Variants in LHFPL1 observed in about 807,000 individuals in gnomAD.
The protein encoded by LHFPL1 is LHFPL tetraspan subfamily member 1 protein.
LHFPL1 carries 4 observed loss-of-function variants against 12.1 expected under a neutral mutation model. The observed-to-expected ratio is 0.33, with a 90% CI of 0.16 to 0.76. The LOEUF is 0.76. Among genes scored for constraint, LHFPL1 ranks in the 30% least tolerant of loss-of-function variants. The pLI, the probability that LHFPL1 is intolerant of heterozygous loss-of-function variation, is 0.61. For missense variants in LHFPL1, 141 were observed against 174.1 expected (o/e 0.81, Z 1.07); for synonymous variants, 52 against 61.9 (o/e 0.84, Z 0.75).
chrX:112,656,699 C>A (rs1448295259), intron 3 of LHFPL1, among the ~76,000 whole-genome samples: 2 of 112,520 alleles, frequency 1.8e-5, no homozygotes, highest in African/African-American at 6.4e-5. Flanking sequence ...ATGCAAAAAT[C>A]ATTTGTACAT....
At chrX:112,634,529 T>C (rs1415105286) in intron 3 of LHFPL1, among the ~76,000 whole-genome samples, 3 of 111,714 alleles carry the variant, frequency 2.7e-5, no homozygotes, top group Non-Finnish European at 5.6e-5. Context: ...CATCCCCTCA[T>C]TTGAGTAGCA....
At chrX:112,670,463 G>A (rs1198988308) in intron 2 of LHFPL1, among the ~76,000 whole-genome samples, 8 of 112,571 alleles carry the variant, frequency 7.1e-5, no homozygotes, top group Admixed American at 5.6e-4. Flanking sequence ...ACTGCTAATA[G>A]CTGCCAGACA....
At chrX:112,654,108 C>A (rs762614478) in intron 3 of LHFPL1, among the ~76,000 whole-genome samples, 1 of 111,430 alleles carries the variant, frequency 9.0e-6, no homozygotes, top group Non-Finnish European at 1.9e-5. Context: ...AACCATTAAC[C>A]CAATCATTCC....
chrX:112,634,899 C>T (rs1930294672), intron 3 of LHFPL1, among the ~76,000 whole-genome samples: 1 of 111,703 alleles, frequency 9.0e-6, no homozygotes, highest in African/African-American at 3.3e-5. Flanking sequence ...CCATCCACAT[C>T]CCTCCCCACA....
chrX:112,673,540 G>A lies in LHFPL1; in HGVS notation c.-14-2136C>T, dbSNP rs1158434341. On this transcript the variant is annotated intron_variant, in intron 1 of 3. Coordinates refer to ENST00000371968, the MANE Select transcript of LHFPL1 (RefSeq NM_178175.4). ...TCCTGATGAAGCAGCCCAGGCCAGAGGAGGAGAGGAAACAAGCTGACAAAC... is the reference window on the plus strand; with the variant it reads ...TCCTGATGAAGCAGCCCAGGCCAGAAGAGGAGAGGAAACAAGCTGACAAAC... 2.7e-5 allele frequency among the ~76,000 whole-genome samples: 3 copies of A among 111,859 alleles called. No homozygotes were observed. The East Asian group carries it at 8.4e-4, about 31-fold the overall frequency.
At chrX:112,638,326 G>A (rs1792916522) in intron 3 of LHFPL1, among the ~76,000 whole-genome samples, 1 of 111,403 alleles carries the variant, frequency 9.0e-6, no homozygotes, top group Admixed American at 9.6e-5. Context: ...CAGTGTAGAG[G>A]AGCAGGACAG....
intron 3 of LHFPL1, among the ~76,000 whole-genome samples, chrX:112,644,227 C>T (rs746948066): frequency 8.9e-6 from 1 of 111,975 alleles, no homozygotes; most frequent in South Asian, 3.8e-4. Flanking sequence ...AATCTCTGGC[C>T]CCTCCTTCCA....
intron 2 of LHFPL1, among the ~76,000 whole-genome samples, chrX:112,668,099 C>A (rs1482077760): frequency 2.7e-5 from 3 of 111,641 alleles, no homozygotes; most frequent in African/African-American, 9.8e-5. Flanking sequence ...AGCAGCCAGA[C>A]CTGAAGCAAC....
intron 2 of LHFPL1, among the ~76,000 whole-genome samples, chrX:112,669,384 A>G (rs1393001688): frequency 8.9e-6 from 1 of 112,851 alleles, no homozygotes; most frequent in Admixed American, 9.3e-5. Context: ...GATCAGCCTT[A>G]GCAACTGGTT....
Position 112,671,351 on chromosome X carries a change from AG to A in LHFPL1, c.39del (p.Phe14SerfsTer8), listed in dbSNP as rs1447927077. On this transcript the variant is annotated frameshift_variant, in exon 2 of 4. Transcript: ENST00000371968. LOFTEE classifies it high-confidence loss of function. The stretch of plus-strand genomic sequence containing the variant: ...GTCACAGCAGTAACAAGGGACAGGA[AG>A]GCCCAGAGGGTTCCCACCATGGTCA... ...SSLTMVGTLW[A>X]FLSLVTAVTS... 8.3e-7 allele frequency: 1 copy of A among 1,211,915 alleles called. No homozygotes were observed. The highest frequency in any genetic ancestry group is 3.0e-5 in the East Asian group (1 of 33,852).
chrX:112,637,455 T>A (rs1291609215), intron 3 of LHFPL1, among the ~76,000 whole-genome samples: 1 of 111,581 alleles, frequency 9.0e-6, no homozygotes, highest in African/African-American at 3.3e-5. Flanking sequence ...TGTGGTGGGA[T>A]CTAGCATTGC....
intron 3 of LHFPL1, among the ~76,000 whole-genome samples, chrX:112,650,679 C>T (rs1260186257): frequency 9.0e-6 from 1 of 111,650 alleles, no homozygotes; most frequent in Non-Finnish European, 1.9e-5. Context: ...AAGCAACTAA[C>T]AGCACAGACT....
chrX:112,650,339 A>AGCT (rs1192997675), intron 3 of LHFPL1, among the ~76,000 whole-genome samples: 1 of 111,237 alleles, frequency 9.0e-6, no homozygotes, highest in African/African-American at 3.3e-5. Context: ...ATTCTCCTCC[A>AGCT]GCTGCTGCTC....
chrX:112,656,985 C>T (rs1047733967), intron 3 of LHFPL1, among the ~76,000 whole-genome samples: 28 of 111,997 alleles, frequency 2.5e-4, no homozygotes, highest in African/African-American at 9.1e-4. Context: ...CTCCAAATCT[C>T]TAACCTAAAA....
intron 2 of LHFPL1, among the ~76,000 whole-genome samples, chrX:112,668,180 A>G (rs139534998): frequency 3.6e-5 from 4 of 111,942 alleles, no homozygotes; most frequent in African/African-American, 1.3e-4. Context: ...GTCTTTATCC[A>G]TGGGGCCCAA....
intron 3 of LHFPL1, among the ~76,000 whole-genome samples, chrX:112,658,051 G>A (rs781597847): frequency 5.4e-5 from 6 of 111,036 alleles, no homozygotes; most frequent in Non-Finnish European, 5.7e-5. Flanking sequence ...ATCCAAAAAG[G>A]GTCTTGTATC....
At chrX:112,665,630 G>A (rs762774932) in intron 2 of LHFPL1, among the ~76,000 whole-genome samples, 1 of 112,047 alleles carries the variant, frequency 8.9e-6, no homozygotes, top group Non-Finnish European at 1.9e-5. Flanking sequence ...CCAATAGGCT[G>A]CCATTTTGTT....
chrX:112,652,330 T>C (rs1392203258), intron 3 of LHFPL1, among the ~76,000 whole-genome samples: 9 of 111,967 alleles, frequency 8.0e-5, no homozygotes, highest in Non-Finnish European at 1.7e-4. Context: ...GCCTACGGTG[T>C]GTGATCTTGG....
At chrX:112,635,438 G>A (rs1250633684) in intron 3 of LHFPL1, among the ~76,000 whole-genome samples, 1 of 112,233 alleles carries the variant, frequency 8.9e-6, no homozygotes, top group Non-Finnish European at 1.9e-5. Context: ...AACCATGCTA[G>A]GAGAATGAAA....
Sources: gnomAD v4.1 joint callset for allele counts (sites outside exome capture counted in the v4.1 genomes callset) on GRCh38, gnomAD v4.1.1 for gene constraint, MANE v1.5 for transcripts, NCBI Gene and HGNC (gene_info 2026-07-23, HGNC 2026-07-21) for gene names.